GCA: variants seen among roughly 807,000 people sequenced by gnomAD.
The protein encoded by GCA is grancalcin.
Under a neutral mutation model 32.6 loss-of-function variants are expected in GCA, and 30 were observed. That is an observed-to-expected ratio of 0.92 (90% confidence interval 0.69 to 1.25). GCA has a LOEUF of 1.25. GCA is among the 50% of genes most tolerant of loss of function. The pLI, the probability that GCA is intolerant of heterozygous loss-of-function variation, is 0.00. For missense variants in GCA, 291 were observed against 266.8 expected, an observed-to-expected ratio of 1.09 and a Z score of -0.63; for synonymous variants, 102 against 84.6, an observed-to-expected ratio of 1.21 and a Z score of -1.13.
intron 1 of GCA, among the ~76,000 whole-genome samples, chr2:162,334,019 A>T (rs1684181146): frequency 6.6e-6 from 1 of 152,150 alleles, no homozygotes; most frequent in Admixed American, 6.5e-5. Context: ...GTCTCCTTTG[A>T]AGAGGTGGCA....
intron 3 of GCA, among the ~76,000 whole-genome samples, chr2:162,354,359 G>A (rs1032862129): frequency 9.9e-5 from 15 of 152,112 alleles, no homozygotes; most frequent in Admixed American, 9.2e-4. Context: ...GAAAGGAGAG[G>A]TGGACTCAGA....
chr2:162,348,954 ATAT>A (rs1346261803), intron 2 of GCA, among the ~76,000 whole-genome samples: 1 of 151,928 alleles, frequency 6.6e-6, no homozygotes, highest in Non-Finnish European at 1.5e-5. Flanking sequence ...AAATAATATA[ATAT>A]TATATGAGTC....
intron 6 of GCA, 46 bp from the exon 7 acceptor site, chr2:162,359,448 C>A: frequency 1.1e-6 from 1 of 876,520 alleles, no homozygotes; most frequent in Non-Finnish European, 1.8e-6. Flanking sequence ...ATATTTGAAA[C>A]TATGTATTTT....
In GCA at chr2:162,363,104, TAAATA is replaced by T. The variant is rs1249161916; in HGVS notation, c.*2862_*2866del. 6.6e-6 allele frequency among the ~76,000 whole-genome samples: 1 copy of T among 151,378 alleles called. No homozygotes were observed. The highest frequency in any genetic ancestry group is 2.4e-5 in the African/African-American group (1 of 41,358). ...GCATTACTAAACTGGACAAACAAAA[TAAATA>T]CTCTTTGTCGGAAATGTGCTCTTTG... On this transcript the variant is annotated 3_prime_UTR_variant, in exon 8 of 8. Coordinates refer to ENST00000437150, the MANE Select transcript of GCA (RefSeq NM_012198.5).
upstream of GCA, among the ~76,000 whole-genome samples, chr2:162,343,206 T>C (rs1684507603): frequency 6.6e-6 from 1 of 152,206 alleles, no homozygotes; most frequent in East Asian, 1.9e-4. Flanking sequence ...TAACTCAAAA[T>C]AATATCATTT....
chr2:162,372,236 A>C (rs528400457), downstream of GCA: 128 of 688,404 alleles, frequency 1.9e-4, no homozygotes, highest in Non-Finnish European at 2.7e-4. Context: ...TTTCCCTCCT[A>C]AAATGAGTCA....
At chr2:162,351,764 A>G (rs1420733314) in intron 2 of GCA, among the ~76,000 whole-genome samples, 1 of 152,140 alleles carries the variant, frequency 6.6e-6, no homozygotes, top group Non-Finnish European at 1.5e-5. Context: ...AGAATACTCA[A>G]CCTATTTCAT....
intron 2 of GCA, among the ~76,000 whole-genome samples, chr2:162,350,324 G>T (rs1684927584): frequency 2.0e-5 from 3 of 152,280 alleles, no homozygotes. Context: ...TTGAGATAAA[G>T]ACCTATAGAT....
At chr2:162,332,306 C>T (rs1195130084) in intron 1 of GCA, among the ~76,000 whole-genome samples, 1 of 76,042 alleles carries the variant, frequency 1.3e-5, no homozygotes, top group Non-Finnish European at 2.7e-5. Context: ...AAGACTCCAT[C>T]TCAAAAAAAA....
chr2:162,347,240 G>A (rs1000375995), intron 1 of GCA, among the ~76,000 whole-genome samples: 2 of 151,958 alleles, frequency 1.3e-5, no homozygotes, highest in African/African-American at 4.8e-5. Context: ...TTTACTTTAG[G>A]TAAAATCTTG....
downstream of GCA, among the ~76,000 whole-genome samples, chr2:162,365,669 TA>T (rs1416504603): frequency 6.6e-6 from 1 of 151,624 alleles, no homozygotes; most frequent in Non-Finnish European, 1.5e-5. Context: ...ATTTAACTGG[TA>T]AACATTCTGG....
intron 1 of GCA, among the ~76,000 whole-genome samples, chr2:162,345,122 GGTGGTGGTGGTGGTT>G (rs1225579116): frequency 1.3e-5 from 2 of 150,140 alleles, no homozygotes; most frequent in African/African-American, 2.5e-5. Context: ...TGGTGGTGGT[GGTGGTGGTGGTGGTT>G]GTGGTTGTGG....
intron 1 of GCA, among the ~76,000 whole-genome samples, chr2:162,332,323 AT>A (rs35831815): frequency 0.39 from 48,023 of 124,240 alleles, 9,945 homozygotes; most frequent in Admixed American, 0.51. Context: ...AAAAAAAAAA[AT>A]ATATATATAT....
At position 162,359,077 on chromosome 2, in the gene GCA, T is replaced by C; in HGVS notation, c.488T>C (p.Ile163Thr). ...YRLSPQTLTT[I>T]VKRYSKNGRI... ...TTGAGTCCTCAAACATTAACTACTA[T>C]TGTTAAACGTTATAGCAAGAATGGC... The change falls in exon 6 of 8, where the codon ATT becomes ACT. Residue 163 changes from isoleucine to threonine, a missense_variant. Transcript: ENST00000437150. 6.3e-7 allele frequency: 1 copy of C among 1,598,592 alleles called. No individual in the cohort carries two copies. Among genetic ancestry groups the C allele is most frequent in the Non-Finnish European group, 8.6e-7 (1 of 1,167,614 alleles).
At chr2:162,340,487 T>A (rs1034533980), upstream of GCA, among the ~76,000 whole-genome samples, 2 of 152,198 alleles carry the variant, frequency 1.3e-5, no homozygotes, top group African/African-American at 2.4e-5. Flanking sequence ...CATCTCTAGA[T>A]TACCAACAGA....
chr2:162,356,766 C>T lies in GCA; in HGVS notation c.315C>T (p.His105=). 1 of 1,603,996 alleles carries T rather than the reference C, an allele frequency of 6.2e-7. No individual in the cohort carries two copies. The highest frequency in any genetic ancestry group is 8.5e-7 in the Non-Finnish European group (1 of 1,173,658). The part of the protein sequence containing the change: ...RIMIAMLDRD[H]TGKMGFNAFK... Reference sequence around the variant, plus strand: ...GTTAATAAAACTATCAGAGAGATCACACAGGAAAAATGGGATTTAATGCAT... The same window carrying T: ...GTTAATAAAACTATCAGAGAGATCATACAGGAAAAATGGGATTTAATGCAT... The change falls in exon 5 of 8, where the codon CAC becomes CAT. Residue 105 remains histidine, a synonymous_variant. Transcript: ENST00000437150.
At chr2:162,369,170 G>T (rs1012566368) in intron 4 of GCA, among the ~76,000 whole-genome samples, 1 of 152,072 alleles carries the variant, frequency 6.6e-6, no homozygotes, top group Non-Finnish European at 1.5e-5. Flanking sequence ...GGAGAGGTCA[G>T]ACTGTTTTTG....
chr2:162,344,620 C>T lies in GCA; in HGVS notation c.27+345C>T, dbSNP rs930576064. On this transcript the variant is annotated intron_variant, in intron 1 of 7. Transcript: ENST00000437150. ...TGGTACTTCCCTCCCCCGCCCCCCACTCAGTGTTGCTAGAGATCCTCTTTT... is the reference window on the plus strand; with the variant it reads ...TGGTACTTCCCTCCCCCGCCCCCCATTCAGTGTTGCTAGAGATCCTCTTTT... 4.9e-5 allele frequency: 20 copies of T among 409,856 alleles called. No homozygotes were observed. The East Asian group carries it at 8.2e-4, about 17-fold the overall frequency. The allele number at this position is 409,856 out of a possible 1,614,324, so 25.4% of individuals were successfully genotyped here. A position where few individuals can be genotyped will look rare whatever the true frequency, so the allele number is the denominator to read the frequency against.
At chr2:162,332,743 T>C (rs1684142602) in intron 1 of GCA, among the ~76,000 whole-genome samples, 1 of 151,480 alleles carries the variant, frequency 6.6e-6, no homozygotes, top group African/African-American at 2.4e-5. Flanking sequence ...ATGGAGAACA[T>C]AAGGAAATTC....
Sources: gnomAD v4.1 joint callset for allele counts (sites outside exome capture counted in the v4.1 genomes callset) on GRCh38, gnomAD v4.1.1 for gene constraint, MANE v1.5 for transcripts, NCBI Gene and HGNC (gene_info 2026-07-23, HGNC 2026-07-21) for gene names.